SLC24A2: variants seen among roughly 807,000 people sequenced by gnomAD.
The protein encoded by SLC24A2 is solute carrier family 24 member 2.
In SLC24A2, 36 loss-of-function variants were observed where a neutral mutation model predicts 62.0. That is an observed-to-expected ratio of 0.58 (90% CI 0.44 to 0.77). The LOEUF is 0.77. SLC24A2 is among the 30% of genes least tolerant of loss of function. The probability of loss-of-function intolerance (pLI) is 0.00; values close to 1 mark genes in which losing one functional copy is unlikely to be tolerated. For missense variants in SLC24A2, 846 were observed against 817.9 expected, an observed-to-expected ratio of 1.03 and a Z score of -0.42; for synonymous variants, 358 against 294.0, an observed-to-expected ratio of 1.22 and a Z score of -2.23.
At chr9:19,998,324 CCT>C in the SLC24A2 span, among the ~76,000 whole-genome samples, 1 of 152,056 alleles carries the variant, frequency 6.6e-6, no homozygotes, top group Non-Finnish European at 1.5e-5. Flanking sequence ...CCACACATAC[CCT>C]GTTTTGAGCT....
the SLC24A2 span, among the ~76,000 whole-genome samples, chr9:19,990,874 T>C: frequency 1.5e-4 from 21 of 142,834 alleles, no homozygotes; most frequent in Non-Finnish European, 2.4e-4. Flanking sequence ...ATAGTATCAA[T>C]AGGGTTCCGT....
intron 8 of SLC24A2, among the ~76,000 whole-genome samples, chr9:19,545,712 C>T (rs902145932): frequency 1.3e-5 from 2 of 151,632 alleles, no homozygotes; most frequent in African/African-American, 4.9e-5. Context: ...AATCATGGCT[C>T]ACTGCAAGCT....
intron 7 of SLC24A2, among the ~76,000 whole-genome samples, chr9:19,559,339 A>G (rs1421567462): frequency 3.3e-5 from 5 of 152,226 alleles, no homozygotes; most frequent in Non-Finnish European, 7.3e-5. Context: ...CTTTAGTGAT[A>G]TCAATAATTT....
the SLC24A2 span, among the ~76,000 whole-genome samples, chr9:19,828,641 C>A: frequency 4.1e-4 from 63 of 152,232 alleles, 1 homozygote; most frequent in African/African-American, 1.5e-3. Flanking sequence ...ACTCTCCCCA[C>A]CCCCAACGAC....
At chr9:20,204,427 C>G in the SLC24A2 span, among the ~76,000 whole-genome samples, 2 of 152,220 alleles carry the variant, frequency 1.3e-5, no homozygotes, top group Non-Finnish European at 2.9e-5. Flanking sequence ...AGTATCAGAA[C>G]CAACTAATCA....
chr9:20,195,791 G>C, the SLC24A2 span, among the ~76,000 whole-genome samples: 2 of 151,456 alleles, frequency 1.3e-5, no homozygotes, highest in African/African-American at 4.9e-5. Flanking sequence ...ATAGTCTCAT[G>C]GCATACATTA....
intron 2 of SLC24A2, among the ~76,000 whole-genome samples, chr9:19,720,700 C>CCAA (rs561789600): frequency 2.4e-4 from 33 of 137,228 alleles, no homozygotes; most frequent in Non-Finnish European, 4.2e-4. Context: ...CCCCCCCCCC[C>CCAA]AAAAAAAATC....
At chr9:20,272,628 C>T in the SLC24A2 span, among the ~76,000 whole-genome samples, 1 of 152,148 alleles carries the variant, frequency 6.6e-6, no homozygotes, top group African/African-American at 2.4e-5. Flanking sequence ...CTCATATAAA[C>T]ATACAAACCA....
chr9:20,248,880 T>C, the SLC24A2 span, among the ~76,000 whole-genome samples: 1 of 152,180 alleles, frequency 6.6e-6, no homozygotes, highest in Non-Finnish European at 1.5e-5. Context: ...AGAGAGTCTC[T>C]AAATAGTTGT....
chr9:19,819,505 A>G, the SLC24A2 span, among the ~76,000 whole-genome samples: 34 of 151,926 alleles, frequency 2.2e-4, no homozygotes, highest in East Asian at 6.0e-3. Context: ...AGTAAGATCA[A>G]AATCAGTAAG....
chr9:19,622,896 G>T (rs1179218634), intron 2 of SLC24A2, among the ~76,000 whole-genome samples: 8 of 152,124 alleles, frequency 5.3e-5, no homozygotes, highest in African/African-American at 1.9e-4. Flanking sequence ...TTAGGCCACT[G>T]CATTAAAGAC....
chr9:19,782,452 G>C (rs557741245), intron 2 of SLC24A2, among the ~76,000 whole-genome samples: 1 of 152,130 alleles, frequency 6.6e-6, no homozygotes, highest in South Asian at 2.1e-4. Flanking sequence ...TAAAATCTCA[G>C]GATGAAATAA....
chr9:19,952,520 G>GT, the SLC24A2 span, among the ~76,000 whole-genome samples: 2 of 151,950 alleles, frequency 1.3e-5, no homozygotes, highest in African/African-American at 2.4e-5. Flanking sequence ...TTTCCTCAGA[G>GT]TTTTTATCAT....
chr9:20,158,796 C>T, the SLC24A2 span, among the ~76,000 whole-genome samples: 1 of 151,440 alleles, frequency 6.6e-6, no homozygotes, highest in Non-Finnish European at 1.5e-5. Flanking sequence ...AATTATGGAG[C>T]AGCTGTGCAT....
the SLC24A2 span, among the ~76,000 whole-genome samples, chr9:20,231,116 A>C: frequency 6.6e-6 from 1 of 152,094 alleles, no homozygotes; most frequent in African/African-American, 2.4e-5. Flanking sequence ...TACCAGTACC[A>C]TGTTGTTTTG....
At chr9:19,739,492 G>C (rs1051190427) in intron 2 of SLC24A2, among the ~76,000 whole-genome samples, 5 of 152,170 alleles carry the variant, frequency 3.3e-5, no homozygotes, top group African/African-American at 7.2e-5. Context: ...CATACAAACA[G>C]AGAAACCAGA....
At chr9:20,112,103 G>A in the SLC24A2 span, among the ~76,000 whole-genome samples, 1 of 152,098 alleles carries the variant, frequency 6.6e-6, no homozygotes. Context: ...AAAATTATTG[G>A]TAATTGGAGC....
the SLC24A2 span, among the ~76,000 whole-genome samples, chr9:20,191,225 C>T: frequency 1.3e-5 from 2 of 151,118 alleles, no homozygotes; most frequent in South Asian, 4.1e-4. Flanking sequence ...ATAAAAACAT[C>T]TATTATTGCT....
chr9:19,692,040 T>G (rs1241236608), intron 2 of SLC24A2, among the ~76,000 whole-genome samples: 2 of 152,188 alleles, frequency 1.3e-5, no homozygotes, highest in Non-Finnish European at 2.9e-5. Context: ...ATATTATTGT[T>G]ACCTCCTGTC....
Sources: allele counts gnomAD v4.1 joint callset (sites outside exome capture counted in the v4.1 genomes callset), GRCh38; gene constraint gnomAD v4.1.1; transcripts MANE v1.5; gene names NCBI Gene and HGNC (gene_info 2026-07-23, HGNC 2026-07-21).